The following OCA2 variants were observed in gnomAD, a reference collection of about 807,000 sequenced individuals.
OCA2 encodes the protein P protein.
OCA2 carries 77 observed loss-of-function variants against 100.2 expected under a neutral mutation model. The ratio of observed to expected loss-of-function variants is 0.77; its 90% CI spans 0.64 to 0.93. The LOEUF is 0.93. OCA2 is among the 40% of genes least tolerant of loss of function. The pLI, the probability that OCA2 is intolerant of heterozygous loss-of-function variation, is 0.00. For missense variants in OCA2, 1,062 were observed against 1,089.1 expected (o/e 0.98, Z 0.35); for synonymous variants, 432 against 439.2 (o/e 0.98, Z 0.21).
At chr15:27,891,613 TCACTTG>T (rs2037465603) in intron 19 of OCA2, among the ~76,000 whole-genome samples, 1 of 152,206 alleles carries the variant, frequency 6.6e-6, no homozygotes, top group African/African-American at 2.4e-5. Context: ...ATGCATCTCA[TCACTTG>T]CATGGATTCA....
chr15:27,734,676 G>A, the OCA2 span, among the ~76,000 whole-genome samples: 1 of 152,156 alleles, frequency 6.6e-6, no homozygotes, highest in African/African-American at 2.4e-5. Context: ...CTGGGTTTGG[G>A]GCATGCCCCA....
At chr15:27,862,440 C>T (rs1198658798) in intron 21 of OCA2, among the ~76,000 whole-genome samples, 1 of 151,636 alleles carries the variant, frequency 6.6e-6, no homozygotes, top group Non-Finnish European at 1.5e-5. Flanking sequence ...CTGCCCAGCG[C>T]CAAAGAACTT....
chr15:27,921,861 C>T (rs2038870902), intron 19 of OCA2, among the ~76,000 whole-genome samples: 1 of 152,066 alleles, frequency 6.6e-6, no homozygotes. Context: ...ACCACCATGC[C>T]AGCTAATTTT....
At chr15:27,944,524 T>C (rs1401777528) in intron 18 of OCA2, among the ~76,000 whole-genome samples, 1 of 152,192 alleles carries the variant, frequency 6.6e-6, no homozygotes, top group Non-Finnish European at 1.5e-5. Context: ...CTCCTGCAGA[T>C]AACATCGCTA....
intron 2 of OCA2, among the ~76,000 whole-genome samples, chr15:28,065,178 C>T (rs2141701679): frequency 6.6e-6 from 1 of 152,160 alleles, no homozygotes; most frequent in South Asian, 2.1e-4. Flanking sequence ...ATCAAGTCTC[C>T]CACTGAGACT....
intron 23 of OCA2, chr15:27,776,620 TC>T (rs1416476433): frequency 6.6e-6 from 1 of 152,254 alleles, no homozygotes; most frequent in Non-Finnish European, 1.5e-5. Context: ...GAGGCACCTG[TC>T]CTCTGAGGCC....
intron 18 of OCA2, chr15:27,950,411 C>A (rs2039988641): frequency 2.7e-6 from 1 of 375,804 alleles, no homozygotes; most frequent in Non-Finnish European, 5.3e-6. Context: ...AATTACACTG[C>A]AGCAATTTCT....
At chr15:27,829,521 A>G (rs184151272) in intron 23 of OCA2, among the ~76,000 whole-genome samples, 279 of 152,300 alleles carry the variant, frequency 1.8e-3, no homozygotes, top group Middle Eastern at 3.4e-3. Context: ...GTAGCACTAG[A>G]TATGCAGTGA....
chr15:27,987,256 A>G (rs1039739283), intron 11 of OCA2, among the ~76,000 whole-genome samples: 3 of 152,144 alleles, frequency 2.0e-5, no homozygotes, highest in Admixed American at 2.0e-4. Context: ...GCCATCCTGG[A>G]TCCTAATAAA....
At chr15:28,010,897 T>A (rs2141197228) in intron 9 of OCA2, among the ~76,000 whole-genome samples, 1 of 152,044 alleles carries the variant, frequency 6.6e-6, no homozygotes, top group African/African-American at 2.4e-5. Context: ...GGAAAAAAAA[T>A]AATAAGTGTG....
At chr15:27,746,733 C>T in the OCA2 span, among the ~76,000 whole-genome samples, 1 of 152,204 alleles carries the variant, frequency 6.6e-6, no homozygotes, top group Non-Finnish European at 1.5e-5. Flanking sequence ...CCTCACCCAA[C>T]TTTGGCCTTT....
chr15:27,886,003 C>G (rs78848523), intron 19 of OCA2, among the ~76,000 whole-genome samples: 2 of 152,156 alleles, frequency 1.3e-5, no homozygotes, highest in Non-Finnish European at 2.9e-5. Context: ...GAACTCCTTC[C>G]GCAGGGCCAG....
At chr15:27,887,579 T>A (rs1401727724) in intron 19 of OCA2, among the ~76,000 whole-genome samples, 1 of 145,322 alleles carries the variant, frequency 6.9e-6, no homozygotes, top group African/African-American at 2.5e-5. Context: ...CCATGTGCTA[T>A]GGTATTCTAC....
chr15:27,972,698 T>C (rs1173936671), intron 14 of OCA2, among the ~76,000 whole-genome samples: 1 of 151,666 alleles, frequency 6.6e-6, no homozygotes, highest in Non-Finnish European at 1.5e-5. Context: ...TTTATTGGGA[T>C]TATTTTTTTT....
chr15:27,997,804 C>A (rs1192464280), intron 9 of OCA2, among the ~76,000 whole-genome samples: 3 of 131,986 alleles, frequency 2.3e-5, no homozygotes, highest in African/African-American at 7.5e-5. Context: ...TTCTTCCTAC[C>A]CATGAGCATG....
At chr15:27,832,265 C>G (rs1269233379) in intron 23 of OCA2, among the ~76,000 whole-genome samples, 2 of 152,226 alleles carry the variant, frequency 1.3e-5, no homozygotes, top group East Asian at 3.9e-4. Context: ...ACACTGGCCC[C>G]AAGCCTCAGG....
At chr15:27,761,035 C>G (rs1201807843) in intron 23 of OCA2, among the ~76,000 whole-genome samples, 1 of 151,866 alleles carries the variant, frequency 6.6e-6, no homozygotes, top group Non-Finnish European at 1.5e-5. Flanking sequence ...TGCTTCTCCC[C>G]CACAGGATTC....
Position 28,027,939 on chromosome 15 carries a change from T to C in OCA2, c.447A>G (p.Ala149=). 1 of 1,614,174 alleles carries C rather than the reference T, an allele frequency of 6.2e-7. No individual in the cohort carries two copies. The highest frequency in any genetic ancestry group is 1.3e-5 in the African/African-American group (1 of 75,046). Residue 149 remains alanine (A), a synonymous_variant, in exon 4 of 24, where the codon GCA becomes GCG. Coordinates refer to ENST00000354638, the MANE Select transcript of OCA2 (RefSeq NM_000275.3). Reference sequence around the variant, plus strand: ...GGTCTCCCTTCTCGGAGGAGGCAGATGCAGACAGACCAGACACCTCCCTGC... The same window carrying C: ...GGTCTCCCTTCTCGGAGGAGGCAGACGCAGACAGACCAGACACCTCCCTGC... ...LLSREVSGLS[A]SASSEKGDLL...
At chr15:27,775,234 G>A (rs548721707) in intron 23 of OCA2, among the ~76,000 whole-genome samples, 227 of 152,206 alleles carry the variant, frequency 1.5e-3, no homozygotes, top group African/African-American at 4.6e-3. Flanking sequence ...GCGGCCTGGC[G>A]ACCCCACAGT....
Sources: gnomAD v4.1 joint callset for allele counts (sites outside exome capture counted in the v4.1 genomes callset) on GRCh38, gnomAD v4.1.1 for gene constraint, MANE v1.5 for transcripts, NCBI Gene and HGNC (gene_info 2026-07-23, HGNC 2026-07-21) for gene names.